Variants in MEI4 observed in about 807,000 individuals in gnomAD.
The protein encoded by MEI4 is meiosis-specific protein MEI4.
Under a neutral mutation model 31.4 loss-of-function variants are expected in MEI4, and 27 were observed. That is an observed-to-expected ratio of 0.86 (90% CI 0.63 to 1.19). The LOEUF is 1.19. MEI4 is among the 50% of genes most tolerant of loss of function. MEI4 has a pLI of 0.00. For missense variants in MEI4, 329 were observed against 398.9 expected, an observed-to-expected ratio of 0.82 and a Z score of 1.49; for synonymous variants, 122 against 145.4, an observed-to-expected ratio of 0.84 and a Z score of 1.16.
intron 4 of MEI4, among the ~76,000 whole-genome samples, chr6:77,892,777 A>G (rs1315025344): frequency 6.6e-5 from 10 of 152,200 alleles, no homozygotes; most frequent in East Asian, 3.9e-4. Context: ...TAGGAATTCA[A>G]TGATGTGGAG....
chr6:77,694,624 G>C (rs1765967849), intron 2 of MEI4, among the ~76,000 whole-genome samples: 1 of 152,038 alleles, frequency 6.6e-6, no homozygotes, highest in African/African-American at 2.4e-5. Context: ...AGTATTCCAT[G>C]GTGTATATGT....
chr6:77,666,197 A>G (rs1391851033), intron 1 of MEI4, among the ~76,000 whole-genome samples: 1 of 152,120 alleles, frequency 6.6e-6, no homozygotes, highest in African/African-American at 2.4e-5. Flanking sequence ...GGGTCTCACA[A>G]AGTACATTCT....
chr6:77,695,752 T>G (rs558684106), intron 2 of MEI4, among the ~76,000 whole-genome samples: 1 of 152,322 alleles, frequency 6.6e-6, no homozygotes, highest in Non-Finnish European at 1.5e-5. Context: ...TGCGGGCTCT[T>G]TTTTGGTTCC....
intron 3 of MEI4, among the ~76,000 whole-genome samples, chr6:77,788,641 C>T (rs1430374818): frequency 6.6e-6 from 1 of 152,018 alleles, no homozygotes; most frequent in Admixed American, 6.6e-5. Flanking sequence ...CATGAGTGAA[C>T]TCCCATTCAC....
chr6:77,738,990 G>A (rs530923597), intron 2 of MEI4, among the ~76,000 whole-genome samples: 23 of 151,964 alleles, frequency 1.5e-4, no homozygotes, highest in Non-Finnish European at 3.1e-4. Flanking sequence ...GTAGATCTTT[G>A]TCAGATGGGT....
chr6:77,886,476 G>C (rs1232089274), intron 4 of MEI4, among the ~76,000 whole-genome samples: 1 of 151,496 alleles, frequency 6.6e-6, no homozygotes, highest in Non-Finnish European at 1.5e-5. Context: ...TGTTGCCCAA[G>C]CTGGAGTGCA....
At chr6:77,823,953 T>C (rs1330928712) in intron 3 of MEI4, among the ~76,000 whole-genome samples, 1 of 152,112 alleles carries the variant, frequency 6.6e-6, no homozygotes, top group Non-Finnish European at 1.5e-5. Context: ...TAATTCAGAG[T>C]AGTAATTAGT....
chr6:77,701,217 T>A (rs1361317080), intron 2 of MEI4, among the ~76,000 whole-genome samples: 1 of 152,210 alleles, frequency 6.6e-6, no homozygotes, highest in East Asian at 1.9e-4. Flanking sequence ...AAAGAGGGAC[T>A]CTTAATGTTG....
At chr6:77,663,760 G>A (rs947627296) in intron 1 of MEI4, among the ~76,000 whole-genome samples, 4 of 152,100 alleles carry the variant, frequency 2.6e-5, no homozygotes, top group Non-Finnish European at 5.9e-5. Context: ...AGAGTTACCC[G>A]AAGCTCGGGG....
At position 77,734,245 on chromosome 6, in the gene MEI4, T is replaced by G. The variant is rs202190213; in HGVS notation, c.233-26885T>G. ...AGTGCGGTGTTAACATCTCCCATTATTAATGTGTGGGAGTCTAAGTCTCTT... is the reference window on the plus strand; with the variant it reads ...AGTGCGGTGTTAACATCTCCCATTAGTAATGTGTGGGAGTCTAAGTCTCTT... On this transcript the variant is annotated intron_variant, in intron 2 of 4. Coordinates refer to ENST00000684080, the MANE Select transcript of MEI4 (RefSeq NM_001322247.2). 2.3e-4 allele frequency among the ~76,000 whole-genome samples: 35 copies of G among 152,186 alleles called. No individual in the cohort carries two copies. In the East Asian group the frequency reaches 6.6e-3, roughly 29 times the overall value.
chr6:77,844,505 CCTT>C (rs1770433918), intron 4 of MEI4, among the ~76,000 whole-genome samples: 1 of 152,100 alleles, frequency 6.6e-6, no homozygotes, highest in Admixed American at 6.6e-5. Context: ...CTGCAAATAT[CCTT>C]CTCAGCTCTT....
At position 77,792,337 on chromosome 6, in the gene MEI4, T is replaced by C. The variant is rs148528733; in HGVS notation, c.768+30672T>C. ...CCAGGTGTGGGATGTCTGGATCGTA[T>C]GACAGTTGTAGTTTTTCGGGGGAAC... is the stretch of plus-strand genomic sequence containing the variant. On this transcript the variant is annotated intron_variant, in intron 3 of 4. Coordinates refer to ENST00000684080, the MANE Select transcript of MEI4 (RefSeq NM_001322247.2). Among the ~76,000 whole-genome samples, 8 of 152,332 alleles carry C rather than the reference T, an allele frequency of 5.3e-5. No individual in the cohort carries two copies. In the South Asian group the frequency reaches 6.2e-4, roughly 12 times the overall value.
chr6:77,880,331 C>T (rs941604382), intron 4 of MEI4, among the ~76,000 whole-genome samples: 3 of 151,534 alleles, frequency 2.0e-5, no homozygotes, highest in African/African-American at 7.3e-5. Flanking sequence ...CCCGGGCTCA[C>T]GCCATTCTCC....
At chr6:77,705,055 T>C (rs1766301993) in intron 2 of MEI4, among the ~76,000 whole-genome samples, 1 of 152,178 alleles carries the variant, frequency 6.6e-6, no homozygotes, top group Non-Finnish European at 1.5e-5. Context: ...AGTGCTCCAA[T>C]GACCCTAGCA....
intron 4 of MEI4, among the ~76,000 whole-genome samples, chr6:77,900,360 T>C (rs1029362322): frequency 1.3e-5 from 2 of 151,992 alleles, no homozygotes; most frequent in African/African-American, 4.8e-5. Context: ...AAAGGAAATA[T>C]AGTTGTAACT....
intron 2 of MEI4, among the ~76,000 whole-genome samples, chr6:77,701,144 CT>C (rs776849268): frequency 3.0e-4 from 45 of 151,956 alleles, no homozygotes; most frequent in Non-Finnish European, 5.4e-4. Flanking sequence ...TATAGAATCT[CT>C]TTTTAAATTT....
chr6:77,801,661 G>A (rs1413300041), intron 3 of MEI4, among the ~76,000 whole-genome samples: 4 of 152,144 alleles, frequency 2.6e-5, no homozygotes, highest in Non-Finnish European at 4.4e-5. Context: ...TGCTTTGAAT[G>A]TGTCCCAGAG....
At position 77,926,886 on chromosome 6, in the gene MEI4, T is replaced by A. The variant is rs566046115; in HGVS notation, c.*3540T>A. On this transcript the variant is annotated 3_prime_UTR_variant, in exon 5 of 5. Coordinates refer to ENST00000684080, the MANE Select transcript of MEI4 (RefSeq NM_001322247.2). ...CTAATATTGAAAAAATATATAGGAT[T>A]TTATTATTGTTAAAAGTTAATTGAT... is the stretch of plus-strand genomic sequence containing the variant. 1.4e-4 allele frequency: 22 copies of A among 152,058 alleles called. No homozygotes were observed. Among genetic ancestry groups the A allele is most frequent in the African/African-American group, 5.1e-4 (21 of 41,538 alleles). 9.4% of individuals were successfully genotyped at this position (152,058 alleles called of 1,614,324 possible). A position where few individuals can be genotyped will look rare whatever the true frequency, so the allele number is the denominator to read the frequency against.
At position 77,925,678 on chromosome 6, in the gene MEI4, C is replaced by T. The variant is rs562170530; in HGVS notation, c.*2332C>T. 1 of 150,388 alleles carries T rather than the reference C, an allele frequency of 6.6e-6. No individual in the cohort carries two copies. The highest frequency in any genetic ancestry group is 2.4e-5 in the African/African-American group (1 of 41,114). 9.3% of individuals were successfully genotyped at this position (150,388 alleles called of 1,614,324 possible). ...AAGATAGGATAGGAAATAAAGAGAACCATAGAATGATCATAAAAATGAAGC... is the reference window on the plus strand; with the variant it reads ...AAGATAGGATAGGAAATAAAGAGAATCATAGAATGATCATAAAAATGAAGC... On this transcript the variant is annotated 3_prime_UTR_variant, in exon 5 of 5. Transcript: ENST00000684080.
Sources: allele counts gnomAD v4.1 joint callset (sites outside exome capture counted in the v4.1 genomes callset), GRCh38; gene constraint gnomAD v4.1.1; transcripts MANE v1.5; gene names NCBI Gene and HGNC (gene_info 2026-07-23, HGNC 2026-07-21).